Variants in SATB2 observed in about 807,000 individuals in gnomAD.
The protein encoded by SATB2 is SATB homeobox 2, also known as DNA-binding protein SATB2.
SATB2 carries 1 observed loss-of-function variant against 73.4 expected under a neutral mutation model. The ratio of observed to expected loss-of-function variants is 0.01; its 90% CI spans 0.00 to 0.06. The LOEUF is 0.06. Among genes scored for constraint, SATB2 ranks in the 10% least tolerant of loss-of-function variants. SATB2 has a pLI of 1.00. For synonymous variants in SATB2, 397 were observed against 367.0 expected (o/e 1.08, Z -0.93); for missense variants, 459 against 945.8 (o/e 0.49, Z 6.75).
chr2:199,438,798 C>T (rs1176777907), intron 2 of SATB2, among the ~76,000 whole-genome samples: 1 of 152,240 alleles, frequency 6.6e-6, no homozygotes, highest in Non-Finnish European at 1.5e-5. Flanking sequence ...CCTTTATCTT[C>T]TCACATTTAC....
chr2:199,432,086 GA>G lies in SATB2; in HGVS notation c.346+1251del, dbSNP rs139776384. Among the ~76,000 whole-genome samples, 475 of 152,270 alleles carry G rather than the reference GA, an allele frequency of 3.1e-3. 2 individuals carry two copies. Among genetic ancestry groups the G allele is most frequent in the African/African-American group, 0.011 (446 of 41,554 alleles). On this transcript the variant is annotated intron_variant, in intron 3 of 10. Transcript: ENST00000417098. ...GAATCATCCTTTATCAGGCTGCTTT[GA>G]AAGCACTGGACTCTACGATTCAGCT... is the stretch of plus-strand genomic sequence containing the variant.
chr2:199,273,318 T>A lies in SATB2; in HGVS notation c.1741-646A>T, dbSNP rs562043192. Among the ~76,000 whole-genome samples, 3 of 152,312 alleles carry A rather than the reference T, an allele frequency of 2.0e-5. No homozygotes were observed. In the South Asian group the frequency reaches 6.2e-4, roughly 32 times the overall value. ...TTGCCACAACTACTCAATTCTATTC[T>A]ATTGCAAAAACAAATGAACATGGCT... On this transcript the variant is annotated intron_variant, in intron 10 of 10. Transcript: ENST00000417098.
intron 3 of SATB2, among the ~76,000 whole-genome samples, chr2:199,408,155 C>G (rs1213842382): frequency 6.6e-6 from 1 of 152,018 alleles, no homozygotes; most frequent in Non-Finnish European, 1.5e-5. Flanking sequence ...ATCGTGGGCC[C>G]CGCCTATTCA....
At chr2:199,371,350 C>G (rs778424163) in intron 5 of SATB2, among the ~76,000 whole-genome samples, 8 of 152,102 alleles carry the variant, frequency 5.3e-5, no homozygotes, top group Admixed American at 3.3e-4. Context: ...AACATCAACA[C>G]TTAATTAATG....
chr2:199,412,357 G>C (rs903099632), intron 3 of SATB2, among the ~76,000 whole-genome samples: 1 of 152,166 alleles, frequency 6.6e-6, no homozygotes, highest in Non-Finnish European at 1.5e-5. Context: ...GTGAGAAATA[G>C]AAGATACAAG....
intron 3 of SATB2, among the ~76,000 whole-genome samples, chr2:199,391,771 TG>T (rs1690150130): frequency 6.6e-6 from 1 of 152,132 alleles, no homozygotes; most frequent in South Asian, 2.1e-4. Context: ...ACAACATACA[TG>T]GTGATAAATA....
chr2:199,400,717 T>C (rs1690446203), intron 3 of SATB2, among the ~76,000 whole-genome samples: 1 of 152,172 alleles, frequency 6.6e-6, no homozygotes, highest in Admixed American at 6.5e-5. Context: ...TCATGACATT[T>C]TGCAGATGAG....
intron 10 of SATB2, among the ~76,000 whole-genome samples, chr2:199,273,021 G>C (rs2105708287): frequency 6.6e-6 from 1 of 152,006 alleles, no homozygotes; most frequent in East Asian, 1.9e-4. Context: ...AAAGAAATTG[G>C]GCACAAAGGG....
In SATB2 at chr2:199,299,822, GC is replaced by G. The variant is rs569284541; in HGVS notation, c.1740+8937del. Among the ~76,000 whole-genome samples the G allele has an allele frequency of 2.5e-3, 382 of 152,202 alleles. 1 individual carries two copies. The highest frequency in any genetic ancestry group is 0.024 in the Middle Eastern group (7 of 294). ...GAAATTTAATCATTTTTTTCCAAAA[GC>G]CAGACTTTGCTAGCTATCTATACAA... On this transcript the variant is annotated intron_variant, in intron 10 of 10. Transcript: ENST00000417098.
chr2:199,374,527 G>C (rs756027434), intron 5 of SATB2, among the ~76,000 whole-genome samples: 1 of 152,172 alleles, frequency 6.6e-6, no homozygotes, highest in East Asian at 1.9e-4. Context: ...ATGCTACTCA[G>C]TTGTAAGCTT....
intron 9 of SATB2, among the ~76,000 whole-genome samples, chr2:199,314,843 T>C (rs1275132440): frequency 1.3e-5 from 2 of 152,152 alleles, no homozygotes; most frequent in Non-Finnish European, 2.9e-5. Flanking sequence ...GAGGGCTTTT[T>C]AACTGACATG....
At chr2:199,323,508 C>CACACACACACACATATAT (rs372830951) in intron 9 of SATB2, among the ~76,000 whole-genome samples, 25 of 144,354 alleles carry the variant, frequency 1.7e-4, no homozygotes, top group Non-Finnish European at 3.2e-4. Flanking sequence ...CACACACACA[C>CACACACACACACATATAT]ATATATAAAG....
chr2:199,344,023 C>T (rs779544373), intron 7 of SATB2, among the ~76,000 whole-genome samples: 1 of 152,172 alleles, frequency 6.6e-6, no homozygotes. Flanking sequence ...TATACACTCT[C>T]GCCAATATGG....
intron 2 of SATB2, among the ~76,000 whole-genome samples, chr2:199,443,539 CAA>C (rs10598063): frequency 0.57 from 75,675 of 133,234 alleles, 23,033 homozygotes; most frequent in Non-Finnish European, 0.7. Flanking sequence ...AAAGTTATAG[CAA>C]AAAAAAAAAA....
At chr2:199,404,271 T>C (rs1429754912) in intron 3 of SATB2, among the ~76,000 whole-genome samples, 1 of 152,220 alleles carries the variant, frequency 6.6e-6, no homozygotes, top group Non-Finnish European at 1.5e-5. Flanking sequence ...GATGTGGACC[T>C]ACTCGCTCTC....
intron 3 of SATB2, among the ~76,000 whole-genome samples, chr2:199,402,771 A>T (rs1369244180): frequency 6.6e-6 from 1 of 152,204 alleles, no homozygotes; most frequent in Non-Finnish European, 1.5e-5. Context: ...AGCAGAACAT[A>T]TTTCATAATA....
chr2:199,296,051 A>G (rs935683136), intron 10 of SATB2, among the ~76,000 whole-genome samples: 1 of 152,208 alleles, frequency 6.6e-6, no homozygotes, highest in Admixed American at 6.5e-5. Flanking sequence ...GAAACAGCTG[A>G]GAAGCCACAG....
intron 2 of SATB2, among the ~76,000 whole-genome samples, chr2:199,439,151 C>T (rs1691735877): frequency 6.6e-6 from 1 of 152,270 alleles, no homozygotes. Flanking sequence ...GGCTCCTGCC[C>T]TTCCGTTATT....
At chr2:199,425,907 A>T (rs892284296) in intron 3 of SATB2, among the ~76,000 whole-genome samples, 3 of 152,190 alleles carry the variant, frequency 2.0e-5, no homozygotes, top group Admixed American at 6.5e-5. Flanking sequence ...ATGAATATTT[A>T]ATTTTATATA....
Sources: gnomAD v4.1 joint callset for allele counts (sites outside exome capture counted in the v4.1 genomes callset) on GRCh38, gnomAD v4.1.1 for gene constraint, MANE v1.5 for transcripts, NCBI Gene and HGNC (gene_info 2026-07-23, HGNC 2026-07-21) for gene names.